Variants in DOCK1 observed in about 807,000 individuals in gnomAD.
The protein encoded by DOCK1 is dedicator of cytokinesis 1.
DOCK1 carries 138 observed loss-of-function variants against 262.7 expected under a neutral mutation model. That is an observed-to-expected ratio of 0.53 (90% confidence interval 0.46 to 0.61). The LOEUF (loss-of-function observed/expected upper bound fraction) is 0.61. Ranked by LOEUF, DOCK1 falls within the 20% of genes least tolerant of loss-of-function variation. The probability of loss-of-function intolerance (pLI) is 0.00; values close to 1 mark genes in which losing one functional copy is unlikely to be tolerated. For synonymous variants in DOCK1, 866 were observed against 867.4 expected, an observed-to-expected ratio of 1.00 and a Z score of 0.03; for missense variants, 1,908 against 2,370.7, an observed-to-expected ratio of 0.80 and a Z score of 4.05.
At chr10:127,259,813 T>C (rs901013623) in intron 29 of DOCK1, among the ~76,000 whole-genome samples, 1 of 150,854 alleles carries the variant, frequency 6.6e-6, no homozygotes, top group Non-Finnish European at 1.5e-5. Flanking sequence ...TTTTTATAAT[T>C]GAGAGCCTGT....
chr10:127,226,490 T>A lies in DOCK1; in HGVS notation c.2848-21518T>A, dbSNP rs1311419586. Among the ~76,000 whole-genome samples, 5 of 131,886 alleles carry A rather than the reference T, an allele frequency of 3.8e-5. No homozygotes were observed. In the Admixed American group the frequency reaches 4.0e-4, roughly 11 times the overall value. 86.5% of individuals were successfully genotyped at this position (131,886 alleles called of 152,430 possible). A position where few individuals can be genotyped will look rare whatever the true frequency, so the allele number is the denominator to read the frequency against. ...TGGGCACAGTGGCTCACACCTGTCA[T>A]CTCAGCACTTTGGGAGCCGAGGTGG... On this transcript the variant is annotated intron_variant, in intron 27 of 51. Transcript: ENST00000623213.
chr10:127,038,291 G>A (rs2043788144), intron 19 of DOCK1, among the ~76,000 whole-genome samples: 1 of 152,152 alleles, frequency 6.6e-6, no homozygotes, highest in African/African-American at 2.4e-5. Context: ...AGTGCTTCTT[G>A]GCTTCTGGTT....
chr10:127,155,761 C>T (rs1346314382), intron 27 of DOCK1, among the ~76,000 whole-genome samples: 1 of 152,216 alleles, frequency 6.6e-6, no homozygotes, highest in Non-Finnish European at 1.5e-5. Flanking sequence ...TATAGACTTA[C>T]AGCCTTTCTC....
chr10:127,101,111 A>G (rs1374539004), intron 23 of DOCK1, among the ~76,000 whole-genome samples: 1 of 152,026 alleles, frequency 6.6e-6, no homozygotes, highest in Admixed American at 6.6e-5. Flanking sequence ...CGAAAACCCA[A>G]GGCAGGGGCA....
intron 27 of DOCK1, among the ~76,000 whole-genome samples, chr10:127,144,091 A>G (rs1337402877): frequency 1.3e-5 from 2 of 151,906 alleles, no homozygotes; most frequent in East Asian, 3.9e-4. Context: ...CCCACCTTCC[A>G]CTGCTCTAGT....
At chr10:127,200,069 G>T (rs926273798) in intron 27 of DOCK1, among the ~76,000 whole-genome samples, 1 of 152,122 alleles carries the variant, frequency 6.6e-6, no homozygotes, top group African/African-American at 2.4e-5. Context: ...GTCCGATGTC[G>T]CTGTGACAGA....
intron 43 of DOCK1, among the ~76,000 whole-genome samples, chr10:127,412,477 G>A (rs995579652): frequency 3.9e-5 from 6 of 152,104 alleles, no homozygotes; most frequent in African/African-American, 7.2e-5. Flanking sequence ...GGAAACCTCC[G>A]GAAATCCTTC....
intron 18 of DOCK1, among the ~76,000 whole-genome samples, chr10:127,032,881 G>A (rs1308664764): frequency 6.6e-6 from 1 of 152,202 alleles, no homozygotes; most frequent in East Asian, 1.9e-4. Context: ...GGGAGATAAA[G>A]CAATGGATTT....
intron 1 of DOCK1, among the ~76,000 whole-genome samples, chr10:126,951,852 ATTT>A (rs1184702030): frequency 7.0e-6 from 1 of 142,610 alleles, no homozygotes. Flanking sequence ...CAGCCTCTTC[ATTT>A]TTTTTTTTTT....
intron 8 of DOCK1, 160 bp downstream of exon 8, chr10:126,998,409 T>C: frequency 1.1e-6 from 1 of 944,968 alleles, no homozygotes; most frequent in Non-Finnish European, 1.6e-6. Flanking sequence ...GACAGTGTGA[T>C]GGCAGCCAGG....
chr10:127,232,097 G>A (rs1204344237), intron 27 of DOCK1, among the ~76,000 whole-genome samples: 1 of 152,044 alleles, frequency 6.6e-6, no homozygotes, highest in Non-Finnish European at 1.5e-5. Context: ...TGGCAGAGAA[G>A]CGTTCCGTAG....
chr10:126,941,606 A>C (rs1277775957), intron 1 of DOCK1, among the ~76,000 whole-genome samples: 1 of 152,112 alleles, frequency 6.6e-6, no homozygotes, highest in African/African-American at 2.4e-5. Flanking sequence ...AGTACAAAAA[A>C]TTAGCCAGGC....
chr10:126,942,803 T>G (rs1438170554), intron 1 of DOCK1, among the ~76,000 whole-genome samples: 4 of 152,208 alleles, frequency 2.6e-5, no homozygotes, highest in African/African-American at 9.7e-5. Context: ...GGATGGGCGT[T>G]TATTTGCAAG....
At chr10:127,181,278 AG>A (rs2055709784) in intron 27 of DOCK1, among the ~76,000 whole-genome samples, 1 of 152,252 alleles carries the variant, frequency 6.6e-6, no homozygotes, top group African/African-American at 2.4e-5. Flanking sequence ...ACTGTAAGGA[AG>A]GAAGTTAGCA....
intron 27 of DOCK1, among the ~76,000 whole-genome samples, chr10:127,153,131 TACTC>T (rs2052671804): frequency 1.3e-5 from 2 of 152,226 alleles, no homozygotes; most frequent in South Asian, 2.1e-4. Flanking sequence ...AAAAAGAACT[TACTC>T]ATAACATTTC....
In DOCK1 at chr10:127,024,980, G is replaced by C. The variant is rs150259975; in HGVS notation, c.1551+197G>C. Reference sequence around the variant, plus strand: ...ATACATTTACTCTCATCTCCTTTTGGACGTAAAAATAGGACGTTCATGGAG... The same window carrying C: ...ATACATTTACTCTCATCTCCTTTTGCACGTAAAAATAGGACGTTCATGGAG... On this transcript the variant is annotated intron_variant, in intron 15 of 51. Transcript: ENST00000623213. 640 of 461,842 alleles carry C rather than the reference G, an allele frequency of 1.4e-3. 2 individuals carry two copies. The highest frequency in any genetic ancestry group is 0.01 in the African/African-American group (537 of 51,612). 28.6% of individuals were successfully genotyped at this position (461,842 alleles called of 1,614,324 possible).
chr10:127,431,360 CCT>C (rs897378731), intron 47 of DOCK1, among the ~76,000 whole-genome samples: 77 of 152,308 alleles, frequency 5.1e-4, no homozygotes, highest in African/African-American at 1.6e-3. Flanking sequence ...CAGGGAGTGC[CCT>C]CTGTCTCTCC....
At chr10:126,941,606 A>G (rs1277775957) in intron 1 of DOCK1, among the ~76,000 whole-genome samples, 1 of 152,112 alleles carries the variant, frequency 6.6e-6, no homozygotes, top group African/African-American at 2.4e-5. Context: ...AGTACAAAAA[A>G]TTAGCCAGGC....
In DOCK1 at chr10:127,375,329, C is replaced by T. The variant is rs766553442; in HGVS notation, c.3675+1115C>T. Among the ~76,000 whole-genome samples, 3 of 152,356 alleles carry T rather than the reference C, an allele frequency of 2.0e-5. No homozygotes were observed. In the East Asian group the frequency reaches 5.8e-4, roughly 29 times the overall value. On this transcript the variant is annotated intron_variant, in intron 35 of 51. Coordinates refer to ENST00000623213, the MANE Select transcript of DOCK1 (RefSeq NM_001290223.2). Reference sequence around the variant, plus strand: ...CATAGTAGGGCTTTCCTCAAGTTTCCTTGCCTGTCCCATGGCAAGAATGCA... The same window carrying T: ...CATAGTAGGGCTTTCCTCAAGTTTCTTTGCCTGTCCCATGGCAAGAATGCA...
Sources: allele counts gnomAD v4.1 joint callset (sites outside exome capture counted in the v4.1 genomes callset), GRCh38; gene constraint gnomAD v4.1.1; transcripts MANE v1.5; gene names NCBI Gene and HGNC (gene_info 2026-07-23, HGNC 2026-07-21).